The following DLG2 variants were observed in gnomAD, a reference collection of about 807,000 sequenced individuals.
DLG2 encodes disks large homolog 2.
Under a neutral mutation model 132.5 loss-of-function variants are expected in DLG2, and 45 were observed. The ratio of observed to expected loss-of-function variants is 0.34; its 90% CI spans 0.27 to 0.44. The LOEUF (loss-of-function observed/expected upper bound fraction) is 0.44, where lower values mean the gene tolerates loss of function less well. DLG2 is among the 20% of genes least tolerant of loss of function. The probability of loss-of-function intolerance (pLI) is 1.00; values close to 1 mark genes in which losing one functional copy is unlikely to be tolerated. For synonymous variants in DLG2, 424 were observed against 419.6 expected (o/e 1.01, Z -0.13); for missense variants, 1,045 against 1,196.9 (o/e 0.87, Z 1.87).
intron 18 of DLG2, among the ~76,000 whole-genome samples, chr11:83,760,601 C>A (rs763616791): frequency 6.6e-6 from 1 of 152,090 alleles, no homozygotes; most frequent in Non-Finnish European, 1.5e-5. Flanking sequence ...GGTGATCCAC[C>A]TGCCTCGGCC....
chr11:85,021,697 G>A, intron 6 of DLG2: 13 of 933,410 alleles, frequency 1.4e-5, no homozygotes, highest in Admixed American at 8.1e-5. Context: ...AAATGTGGCT[G>A]AAGATCAAAA....
At chr11:84,504,984 A>G (rs1265921497) in intron 7 of DLG2, among the ~76,000 whole-genome samples, 2 of 152,140 alleles carry the variant, frequency 1.3e-5, no homozygotes, top group Non-Finnish European at 2.9e-5. Context: ...TGTGTTTTCC[A>G]TTCACTCTTT....
intron 11 of DLG2, among the ~76,000 whole-genome samples, chr11:84,015,230 A>C (rs1485485686): frequency 1.3e-5 from 2 of 152,184 alleles, no homozygotes; most frequent in Non-Finnish European, 2.9e-5. Flanking sequence ...TTATTAGTTG[A>C]TCACTAAATA....
chr11:83,531,459 C>T (rs141341957), intron 21 of DLG2, among the ~76,000 whole-genome samples: 283 of 152,042 alleles, frequency 1.9e-3, no homozygotes, highest in Admixed American at 3.0e-3. Flanking sequence ...GCATGAGATA[C>T]CACTTCGTAC....
At chr11:83,543,687 A>C (rs1473437697) in intron 19 of DLG2, among the ~76,000 whole-genome samples, 1 of 152,192 alleles carries the variant, frequency 6.6e-6, no homozygotes, top group Non-Finnish European at 1.5e-5. Context: ...AAGCATGTAC[A>C]AATGGACCTG....
intron 7 of DLG2, among the ~76,000 whole-genome samples, chr11:84,530,758 C>T (rs1004512059): frequency 4.6e-5 from 7 of 152,150 alleles, no homozygotes; most frequent in Admixed American, 4.6e-4. Flanking sequence ...TTCGACCAAG[C>T]AATCTCATTA....
chr11:83,819,353 C>T (rs1190398360), intron 17 of DLG2, among the ~76,000 whole-genome samples: 5 of 150,738 alleles, frequency 3.3e-5, no homozygotes, highest in Non-Finnish European at 7.4e-5. Context: ...GCCTGTAACC[C>T]CAGCTAACTG....
At chr11:84,270,946 C>A (rs984442839) in intron 7 of DLG2, among the ~76,000 whole-genome samples, 1 of 152,062 alleles carries the variant, frequency 6.6e-6, no homozygotes, top group Admixed American at 6.6e-5. Context: ...GGATTTATTA[C>A]GATACTGTAA....
chr11:85,123,766 G>C (rs1233234278), intron 5 of DLG2, among the ~76,000 whole-genome samples: 1 of 152,192 alleles, frequency 6.6e-6, no homozygotes, highest in Admixed American at 6.5e-5. Context: ...GAATTACTTA[G>C]ATACAAAGAA....
rs530247845 is a variant in DLG2 at position 83,531,653 on chromosome 11, C to A, written c.2193+1055G>T. On this transcript the variant is annotated intron_variant, in intron 21 of 27. Coordinates refer to ENST00000376104, the MANE Select transcript of DLG2 (RefSeq NM_001142699.3). ...AACAATCTCACTCCTAGGCATACAG[C>A]CAATGGAAATAAAAATATATGTCAC... is the stretch of plus-strand genomic sequence containing the variant. Among the ~76,000 whole-genome samples, 10 of 151,990 alleles carry A rather than the reference C, an allele frequency of 6.6e-5. No individual in the cohort carries two copies. The East Asian group carries it at 1.9e-3, about 29-fold the overall frequency.
At chr11:85,566,016 T>C (rs1404580052) in intron 3 of DLG2, among the ~76,000 whole-genome samples, 1 of 150,578 alleles carries the variant, frequency 6.6e-6, no homozygotes, top group Non-Finnish European at 1.5e-5. Flanking sequence ...ACAATTATTA[T>C]TTTCCATTTG....
chr11:84,203,694 C>T (rs1262963183), intron 8 of DLG2, among the ~76,000 whole-genome samples: 1 of 151,426 alleles, frequency 6.6e-6, no homozygotes, highest in African/African-American at 2.4e-5. Flanking sequence ...CCAAGCACTA[C>T]ATATTCTCAC....
At chr11:84,439,256 A>T (rs1178296690) in intron 7 of DLG2, among the ~76,000 whole-genome samples, 1 of 152,192 alleles carries the variant, frequency 6.6e-6, no homozygotes, top group Non-Finnish European at 1.5e-5. Flanking sequence ...GTAAATTAAG[A>T]GAATTGGGCA....
intron 19 of DLG2, among the ~76,000 whole-genome samples, chr11:83,551,412 C>G (rs1302418035): frequency 1.3e-5 from 2 of 152,106 alleles, no homozygotes; most frequent in African/African-American, 4.8e-5. Context: ...CTGGATAAAA[C>G]TCGTTTTACT....
chr11:84,849,444 T>C (rs1324680188), intron 6 of DLG2, among the ~76,000 whole-genome samples: 2 of 152,120 alleles, frequency 1.3e-5, no homozygotes, highest in Non-Finnish European at 2.9e-5. Context: ...CTTTCCTACA[T>C]ATACAACCTC....
chr11:83,869,186 T>G (rs1444848516), intron 16 of DLG2, among the ~76,000 whole-genome samples: 1 of 152,184 alleles, frequency 6.6e-6, no homozygotes, highest in Admixed American at 6.5e-5. Flanking sequence ...CTGGTGATTT[T>G]CGGATCACAT....
intron 6 of DLG2, among the ~76,000 whole-genome samples, chr11:84,855,975 C>G (rs181002007): frequency 2.2e-4 from 33 of 152,110 alleles, no homozygotes; most frequent in Middle Eastern, 3.4e-3. Flanking sequence ...TTCCCAGATC[C>G]TCTTCCATCT....
chr11:83,479,534 G>T (rs1401336027), intron 22 of DLG2, among the ~76,000 whole-genome samples: 1 of 152,032 alleles, frequency 6.6e-6, no homozygotes, highest in Non-Finnish European at 1.5e-5. Flanking sequence ...TAATCTCATA[G>T]AAATCATAAG....
At chr11:84,914,241 GAAAGA>G in intron 6 of DLG2, among the ~76,000 whole-genome samples, 1 of 152,018 alleles carries the variant, frequency 6.6e-6, no homozygotes, top group East Asian at 1.9e-4. Flanking sequence ...AGTCTACACA[GAAAGA>G]AAAAACAAAA....
Sources: gnomAD v4.1 joint callset for allele counts (sites outside exome capture counted in the v4.1 genomes callset) on GRCh38, gnomAD v4.1.1 for gene constraint, MANE v1.5 for transcripts, NCBI Gene and HGNC (gene_info 2026-07-23, HGNC 2026-07-21) for gene names.